Variants in NDUFB8 observed in about 807,000 individuals in gnomAD.
NDUFB8 encodes NADH dehydrogenase [ubiquinone] 1 beta subcomplex subunit 8, mitochondrial.
Under a neutral mutation model 26.0 loss-of-function variants are expected in NDUFB8, and 17 were observed. The ratio of observed to expected loss-of-function variants is 0.65; its 90% CI spans 0.45 to 0.98. The LOEUF (loss-of-function observed/expected upper bound fraction) is 0.98. Ranked by LOEUF, NDUFB8 falls within the 50% of genes least tolerant of loss-of-function variation. The pLI, the probability that NDUFB8 is intolerant of heterozygous loss-of-function variation, is 0.00. For missense variants in NDUFB8, 238 were observed against 255.0 expected, an observed-to-expected ratio of 0.93 and a Z score of 0.45; for synonymous variants, 89 against 93.1, an observed-to-expected ratio of 0.96 and a Z score of 0.25.
intron 4 of NDUFB8, chr10:100,526,190 A>G (rs1206449588): frequency 8.4e-6 from 4 of 476,822 alleles, no homozygotes; most frequent in African/African-American, 6.1e-5. Context: ...AAGTGTATCT[A>G]CTCACCCAGA....
chr10:100,528,349 C>T (rs1451402250), intron 2 of NDUFB8, among the ~76,000 whole-genome samples: 1 of 152,188 alleles, frequency 6.6e-6, no homozygotes, highest in Non-Finnish European at 1.5e-5. Context: ...CCTAACAACC[C>T]ATTTCTCAGA....
intron 4 of NDUFB8, among the ~76,000 whole-genome samples, chr10:100,525,554 T>C (rs1852029391): frequency 6.6e-6 from 1 of 152,022 alleles, no homozygotes; most frequent in Admixed American, 6.6e-5. Flanking sequence ...CCACCATACC[T>C]GGCCGCCTTC....
At chr10:100,526,624 T>G in intron 3 of NDUFB8, 70 bp from the exon 4 acceptor site, 2 of 1,562,140 alleles carry the variant, frequency 1.3e-6, no homozygotes, top group East Asian at 4.5e-5. Flanking sequence ...CCCCAGTGAT[T>G]AGAGCCTGAT....
intron 3 of NDUFB8, 162 bp downstream of exon 3, chr10:100,526,813 C>T: frequency 1.3e-6 from 1 of 750,222 alleles, no homozygotes; most frequent in Non-Finnish European, 2.2e-6. Context: ...CCAGACGTCC[C>T]ATTCAGTGTG....
At chr10:100,526,207 C>T (rs1188244820) in intron 4 of NDUFB8, 192 bp downstream of exon 4, 3 of 549,128 alleles carry the variant, frequency 5.5e-6, no homozygotes, top group African/African-American at 4.0e-5. Flanking sequence ...CAGACTGGTC[C>T]AAGAAGTAGG....
chr10:100,526,880 T>C, intron 3 of NDUFB8, 95 bp downstream of exon 3: 1 of 1,186,238 alleles, frequency 8.4e-7, no homozygotes, highest in East Asian at 2.4e-5. Flanking sequence ...GCAGGAAAGC[T>C]TAGTGTTACT....
Position 100,526,970 on chromosome 10 carries a change from C to T in NDUFB8, c.312+5G>A, listed in dbSNP as rs1308684882. 1 of 1,613,058 alleles carries T rather than the reference C, an allele frequency of 6.2e-7. No homozygotes were observed. Among genetic ancestry groups the T allele is most frequent in the Non-Finnish European group, 8.5e-7 (1 of 1,179,000 alleles). ...GGAAGGTCAAATGAGATATGGTTCT[C>T]TTACCGGTTCACCCCAGTTCAACCT... On this transcript the variant is annotated splice_donor_5th_base_variant and intron_variant, in intron 3 of 4. Coordinates refer to ENST00000299166, the MANE Select transcript of NDUFB8 (RefSeq NM_005004.4).
intron 3 of NDUFB8, 124 bp downstream of exon 3, chr10:100,526,851 C>T (rs1219360818): frequency 1.1e-6 from 1 of 925,884 alleles, no homozygotes; most frequent in African/African-American, 1.6e-5. Context: ...TCTCACATCA[C>T]TGGACCTTGC....
At chr10:100,528,065 G>A (rs1852082725) in intron 2 of NDUFB8, among the ~76,000 whole-genome samples, 1 of 152,206 alleles carries the variant, frequency 6.6e-6, no homozygotes, top group Non-Finnish European at 1.5e-5. Context: ...TGATCTGCCT[G>A]CCTTGGCCTC....
In NDUFB8 at chr10:100,529,762, C is replaced by G; in HGVS notation, c.85+5G>C. On this transcript the variant is annotated splice_donor_5th_base_variant and intron_variant, in intron 1 of 4. Coordinates refer to ENST00000299166, the MANE Select transcript of NDUFB8 (RefSeq NM_005004.4). ...CACACTGAGGTCTCGCCCGTTCTCGCGGACCTGTCCGTGCGCCCAGCGGCA... is the reference window on the plus strand; with the variant it reads ...CACACTGAGGTCTCGCCCGTTCTCGGGGACCTGTCCGTGCGCCCAGCGGCA... 6.2e-7 allele frequency: 1 copy of G among 1,612,746 alleles called. No individual in the cohort carries two copies. Among genetic ancestry groups the G allele is most frequent in the Non-Finnish European group, 8.5e-7 (1 of 1,179,636 alleles).
At position 100,525,717 on chromosome 10, in the gene NDUFB8, C is replaced by CGTGTGT. The variant is rs71013460; in HGVS notation, c.468+676_468+681dup. ...AGTAACTCATACCACTAAGCACATA[C>CGTGTGT]GTGTGTGTGTGTGTGTGTGTGTGTG... On this transcript the variant is annotated intron_variant, in intron 4 of 4. Transcript: ENST00000299166. Among the ~76,000 whole-genome samples the CGTGTGT allele has an allele frequency of 7.4e-3, 342 of 46,044 alleles. 38 individuals carry two copies. The highest frequency in any genetic ancestry group is 0.02 in the African/African-American group (179 of 8,916). 30.2% of individuals were successfully genotyped at this position (46,044 alleles called of 152,430 possible).
rs753749396 is a variant in NDUFB8, at chr10:100,524,128, G to A, written c.469-199C>T. On this transcript the variant is annotated intron_variant, in intron 4 of 4. Transcript: ENST00000299166. This position sits in a 1 kb window ranked among gnomAD's most constrained non-coding sequence, Gnocchi z 4.0. ...AGAGAAAGCCTAAATTGTAAGAGAA[G>A]TGGTGCCTACACTGTGAGAGAGAAG... 2 of 1,577,416 alleles carry A rather than the reference G, an allele frequency of 1.3e-6. No homozygotes were observed. Among genetic ancestry groups the A allele is most frequent in the Admixed American group, 1.9e-5 (1 of 53,952 alleles).
chr10:100,528,690 T>A (rs189293978), intron 2 of NDUFB8, among the ~76,000 whole-genome samples: 11 of 152,286 alleles, frequency 7.2e-5, no homozygotes, highest in African/African-American at 2.6e-4. Flanking sequence ...CAACTAGACA[T>A]ATGCTACAGA....
intron 1 of NDUFB8, 31 bp from the exon 2 acceptor site, chr10:100,529,537 G>C (rs200244073): frequency 9.4e-6 from 15 of 1,604,178 alleles, no homozygotes; most frequent in East Asian, 2.2e-5. Context: ...GGTCAGAAGC[G>C]AGCCCGCTCT....
chr10:100,525,926 G>A (rs1194667006), intron 4 of NDUFB8: 1 of 153,606 alleles, frequency 6.5e-6, no homozygotes, highest in African/African-American at 2.4e-5. Context: ...CTTCCTTAAA[G>A]CTAGAGAATT....
chr10:100,528,811 G>A (rs757650269), intron 2 of NDUFB8, among the ~76,000 whole-genome samples: 1 of 152,192 alleles, frequency 6.6e-6, no homozygotes. Context: ...TAACCATTGG[G>A]ATGTTATGTG....
At chr10:100,528,428 T>TA (rs372361972) in intron 2 of NDUFB8, among the ~76,000 whole-genome samples, 16 of 152,282 alleles carry the variant, frequency 1.1e-4, no homozygotes, top group African/African-American at 3.9e-4. Context: ...AATGAAAAAT[T>TA]AAAGTTTAGA....
intron 1 of NDUFB8, 26 bp downstream of exon 1, chr10:100,529,741 C>T (rs1174725160): frequency 6.2e-7 from 1 of 1,608,904 alleles, no homozygotes; most frequent in Non-Finnish European, 8.5e-7. Context: ...CCTTCCCACA[C>T]TGAGGTCTCG....
rs557180160 is a variant in NDUFB8, at chr10:100,529,792, G to A, written c.60C>T (p.Asn20=). ...GVQWLQRASR[N]VMPLGARTAS... is the part of the protein sequence containing the mutation. The stretch of plus-strand genomic sequence containing the variant: ...CTGTCCGTGCGCCCAGCGGCATCAC[G>A]TTCCGGGATGCCCTTTGCAGCCACT... Residue 20 remains asparagine, a synonymous_variant, in exon 1 of 5, where the codon AAC becomes AAT. Transcript: ENST00000299166. 3 of 1,613,594 alleles carry A rather than the reference G, an allele frequency of 1.9e-6. No homozygotes were observed. The highest frequency in any genetic ancestry group is 1.1e-5 in the South Asian group (1 of 90,996).
Sources: gnomAD v4.1 joint callset for allele counts (sites outside exome capture counted in the v4.1 genomes callset) on GRCh38, gnomAD v4.1.1 for gene constraint, Gnocchi (gnomAD v3.1) non-coding constraint, MANE v1.5 for transcripts, NCBI Gene and HGNC (gene_info 2026-07-23, HGNC 2026-07-21) for gene names.